The following ENPP2 variants were observed in gnomAD, a reference collection of about 807,000 sequenced individuals.
ENPP2 encodes the protein ectonucleotide pyrophosphatase/phosphodiesterase 2, also known as autotaxin.
ENPP2 carries 51 observed loss-of-function variants against 120.2 expected under a neutral mutation model. The observed-to-expected ratio is 0.42, with a 90% CI of 0.34 to 0.54. The LOEUF is 0.54. Among genes scored for constraint, ENPP2 ranks in the 20% least tolerant of loss-of-function variants. The probability of loss-of-function intolerance (pLI) is 0.04; values close to 1 mark genes in which losing one functional copy is unlikely to be tolerated. For missense variants in ENPP2, 920 were observed against 1,066.5 expected (o/e 0.86, Z 1.91); for synonymous variants, 365 against 366.4 (o/e 1.00, Z 0.04).
chr8:119,575,630 C>T (rs1812282404), intron 19 of ENPP2, among the ~76,000 whole-genome samples: 1 of 152,168 alleles, frequency 6.6e-6, no homozygotes, highest in African/African-American at 2.4e-5. Context: ...AATCTAATCT[C>T]AGCTCTTTAT....
At chr8:119,664,156 A>G (rs922617290) in intron 1 of ENPP2, among the ~76,000 whole-genome samples, 4 of 152,232 alleles carry the variant, frequency 2.6e-5, no homozygotes, top group African/African-American at 9.6e-5. Flanking sequence ...AAAGTTATAA[A>G]AATGGGGAAA....
At position 119,622,695 on chromosome 8, in the gene ENPP2, T is replaced by C. The variant is rs1815989482; in HGVS notation, c.293-1176A>G. ...TTCAATCAATATGTATTAAATTGAA[T>C]TGGAAATGACCATGGAGATAAAATA... On this transcript the variant is annotated intron_variant, in intron 3 of 24. Coordinates refer to ENST00000075322, the MANE Select transcript of ENPP2 (RefSeq NM_001040092.3). Among the ~76,000 whole-genome samples the C allele has an allele frequency of 2.0e-5, 3 of 152,160 alleles. No individual in the cohort carries two copies. The South Asian group carries it at 6.2e-4, about 32-fold the overall frequency.
At chr8:119,636,344 G>A (rs1816999210) in intron 2 of ENPP2, among the ~76,000 whole-genome samples, 2 of 152,108 alleles carry the variant, frequency 1.3e-5, no homozygotes, top group Non-Finnish European at 2.9e-5. Context: ...TTTTTATTCA[G>A]GAGAAATCAA....
chr8:119,631,325 T>C (rs1218756277), intron 2 of ENPP2, among the ~76,000 whole-genome samples: 1 of 145,608 alleles, frequency 6.9e-6, no homozygotes, highest in Non-Finnish European at 1.5e-5. Flanking sequence ...CACACCATTC[T>C]CCTGCCTCAG....
intron 8 of ENPP2, among the ~76,000 whole-genome samples, chr8:119,610,168 T>C (rs1364274065): frequency 2.0e-5 from 3 of 151,078 alleles, no homozygotes; most frequent in African/African-American, 7.3e-5. Context: ...TTACTTGTAA[T>C]CAGAAAAAAA....
At chr8:119,562,628 T>G (rs1420313420) in intron 24 of ENPP2, among the ~76,000 whole-genome samples, 1 of 152,190 alleles carries the variant, frequency 6.6e-6, no homozygotes, top group Non-Finnish European at 1.5e-5. Flanking sequence ...CTCAAAATTG[T>G]ACACATTGAT....
upstream of ENPP2, among the ~76,000 whole-genome samples, chr8:119,642,069 C>T (rs890782563): frequency 3.3e-5 from 5 of 152,188 alleles, no homozygotes; most frequent in Non-Finnish European, 5.9e-5. Context: ...CCATGCTCCA[C>T]TTGATGCCTT....
intron 1 of ENPP2, among the ~76,000 whole-genome samples, chr8:119,649,793 A>G (rs1169382827): frequency 6.6e-6 from 1 of 152,246 alleles, no homozygotes. Flanking sequence ...CAAATGAACA[A>G]TAAGCAAATG....
chr8:119,638,863 T>G, upstream of ENPP2: 1 of 1,591,460 alleles, frequency 6.3e-7, no homozygotes, highest in Non-Finnish European at 8.6e-7. Context: ...GGGTTTAGTC[T>G]ATTAACTATA....
Position 119,586,220 on chromosome 8 carries a change from G to A in ENPP2, c.1333C>T (p.His445Tyr), listed in dbSNP as rs1434275511. 3 of 1,613,876 alleles carry A rather than the reference G, an allele frequency of 1.9e-6. No homozygotes were observed. Among genetic ancestry groups the A allele is most frequent in the Non-Finnish European group, 2.5e-6 (3 of 1,179,934 alleles). Residue 445 changes from histidine (H) to tyrosine (Y), a missense_variant, in exon 15 of 25, where the codon CAT becomes TAT. Transcript: ENST00000075322. ...TGCCATCTGCGTTCCACCAATAAATGGATATCCTCAATTCTTCTGTTGTTG... is the reference window on the plus strand; with the variant it reads ...TGCCATCTGCGTTCCACCAATAAATAGATATCCTCAATTCTTCTGTTGTTG... The part of the protein sequence containing the change: ...YANNRRIEDI[H>Y]LLVERRWHVA...
At chr8:119,584,079 G>T in intron 15 of ENPP2, 30 bp from the exon 16 acceptor site, 1 of 1,398,234 alleles carries the variant, frequency 7.2e-7, no homozygotes, top group Admixed American at 1.7e-5. Context: ...TGATTAGTTA[G>T]AATTTCTCAT....
chr8:119,600,540 T>C, intron 11 of ENPP2, 138 bp downstream of exon 11: 1 of 569,438 alleles, frequency 1.8e-6, no homozygotes, highest in East Asian at 2.9e-5. Context: ...AAATTTTTAG[T>C]CTTGTAGTTA....
chr8:119,653,927 T>C (rs1264002052), intron 1 of ENPP2, among the ~76,000 whole-genome samples: 1 of 149,040 alleles, frequency 6.7e-6, no homozygotes, highest in Admixed American at 6.7e-5. Context: ...CATCTCTCTA[T>C]ATATTTTTTA....
chr8:119,586,998 G>GC, intron 14 of ENPP2, 46 bp downstream of exon 14: 1 of 1,581,346 alleles, frequency 6.3e-7, no homozygotes, highest in East Asian at 2.2e-5. Context: ...TGCTCCAGGG[G>GC]CAGAGGCCTG....
At chr8:119,594,639 A>G (rs1813760521) in intron 11 of ENPP2, among the ~76,000 whole-genome samples, 1 of 152,238 alleles carries the variant, frequency 6.6e-6, no homozygotes, top group Non-Finnish European at 1.5e-5. Context: ...TTCTAACAGC[A>G]TGAATGTCCT....
intron 9 of ENPP2, among the ~76,000 whole-genome samples, chr8:119,605,428 A>ATG (rs557037737): frequency 0.044 from 5,953 of 135,238 alleles, 147 homozygotes; most frequent in South Asian, 0.091. Context: ...AAGATACCAT[A>ATG]TATGTGTGTG....
chr8:119,562,159 T>C (rs1299991828), intron 24 of ENPP2, among the ~76,000 whole-genome samples: 2 of 150,176 alleles, frequency 1.3e-5, no homozygotes, highest in African/African-American at 4.9e-5. Flanking sequence ...GTTTTCATTA[T>C]GGGCCACGCA....
intron 7 of ENPP2, 85 bp downstream of exon 7, chr8:119,617,079 C>T (rs889249404): frequency 2.3e-6 from 2 of 869,784 alleles, no homozygotes; most frequent in Non-Finnish European, 3.9e-6. Context: ...CTAAGGAACA[C>T]GTTTTAAAAG....
chr8:119,612,238 T>G (rs1815160934), intron 8 of ENPP2, among the ~76,000 whole-genome samples: 1 of 152,048 alleles, frequency 6.6e-6, no homozygotes, highest in East Asian at 1.9e-4. Flanking sequence ...ACTAGGTACA[T>G]TTGGATACAG....
Sources: allele counts gnomAD v4.1 joint callset (sites outside exome capture counted in the v4.1 genomes callset), GRCh38; gene constraint gnomAD v4.1.1; transcripts MANE v1.5; gene names NCBI Gene and HGNC (gene_info 2026-07-23, HGNC 2026-07-21).